PACRG: variants seen among roughly 807,000 people sequenced by gnomAD.
The protein encoded by PACRG is parkin coregulated, also known as parkin coregulated gene protein.
PACRG carries 29 observed loss-of-function variants against 29.7 expected under a neutral mutation model. That is an observed-to-expected ratio of 0.98 (90% CI 0.73 to 1.33). The LOEUF (loss-of-function observed/expected upper bound fraction) is 1.33, where lower values mean the gene tolerates loss of function less well. PACRG is among the 40% of genes most tolerant of loss of function. The pLI is 0.00. For synonymous variants in PACRG, 116 were observed against 118.7 expected (o/e 0.98, Z 0.15); for missense variants, 279 against 316.2 (o/e 0.88, Z 0.89).
At chr6:162,962,000 T>G (rs1800658630) in intron 2 of PACRG, among the ~76,000 whole-genome samples, 1 of 152,066 alleles carries the variant, frequency 6.6e-6, no homozygotes. Flanking sequence ...ATCATTTGCA[T>G]CACTGCTAAA....
intron 2 of PACRG, among the ~76,000 whole-genome samples, chr6:162,922,567 C>T (rs982154471): frequency 1.3e-5 from 2 of 151,910 alleles, no homozygotes; most frequent in Non-Finnish European, 2.9e-5. Context: ...TATTTCCCCC[C>T]ATCCCCACCA....
intron 4 of PACRG, among the ~76,000 whole-genome samples, chr6:163,176,877 G>T (rs779872480): frequency 6.6e-6 from 1 of 152,124 alleles, no homozygotes; most frequent in African/African-American, 2.4e-5. Context: ...AATAATGGAG[G>T]GTGTTAAATG....
chr6:162,889,288 A>G lies in PACRG; in HGVS notation c.291+75007A>G, dbSNP rs542389244. On this transcript the variant is annotated intron_variant, in intron 2 of 4. Transcript: ENST00000366888. ...TACATCACTGATCCATTAAAAAAAAATCTTTCTTTGAATGCCTCTTGCCAC... is the reference window on the plus strand; with the variant it reads ...TACATCACTGATCCATTAAAAAAAAGTCTTTCTTTGAATGCCTCTTGCCAC... Among the ~76,000 whole-genome samples, 31 of 152,304 alleles carry G rather than the reference A, an allele frequency of 2.0e-4. No homozygotes were observed. In the South Asian group the frequency reaches 6.2e-3, roughly 31 times the overall value.
chr6:162,727,718 A>G, upstream of PACRG: 9 of 1,547,736 alleles, frequency 5.8e-6, no homozygotes, highest in East Asian at 7.3e-5. Flanking sequence ...CCATGCGCGC[A>G]GCGGCGCCAG....
chr6:162,831,031 A>T (rs1788725089), intron 2 of PACRG, among the ~76,000 whole-genome samples: 3 of 152,044 alleles, frequency 2.0e-5, no homozygotes, highest in Admixed American at 2.0e-4. Context: ...TGCTATTAAA[A>T]CCCACCTCTT....
At chr6:162,847,271 G>T (rs1259122207) in intron 2 of PACRG, among the ~76,000 whole-genome samples, 1 of 152,132 alleles carries the variant, frequency 6.6e-6, no homozygotes, top group Non-Finnish European at 1.5e-5. Flanking sequence ...CTTCATCAAA[G>T]TCATTTACAC....
At chr6:163,153,830 T>C (rs543315987) in intron 4 of PACRG, among the ~76,000 whole-genome samples, 2 of 152,168 alleles carry the variant, frequency 1.3e-5, no homozygotes, top group Admixed American at 1.3e-4. Flanking sequence ...GTCAATACTA[T>C]CGCTATTGAG....
intron 2 of PACRG, among the ~76,000 whole-genome samples, chr6:162,869,053 G>C (rs529133869): frequency 8.9e-4 from 136 of 152,296 alleles, no homozygotes; most frequent in African/African-American, 3.2e-3. Context: ...TGTGCTGCTG[G>C]TGACGATGGC....
At chr6:162,727,708 C>A (rs561919613), upstream of PACRG, 12 of 1,558,754 alleles carry the variant, frequency 7.7e-6, no homozygotes, top group Middle Eastern at 1.7e-4. Flanking sequence ...AGGAACAGGC[C>A]CATGCGCGCA....
At chr6:162,950,700 G>GA (rs1799583868) in intron 2 of PACRG, among the ~76,000 whole-genome samples, 1 of 151,794 alleles carries the variant, frequency 6.6e-6, no homozygotes. Flanking sequence ...TGAATTAAAG[G>GA]AAAAAATACT....
At chr6:163,004,280 A>G (rs970209605) in intron 2 of PACRG, among the ~76,000 whole-genome samples, 1 of 150,814 alleles carries the variant, frequency 6.6e-6, no homozygotes, top group Non-Finnish European at 1.5e-5. Flanking sequence ...TATATAAAGT[A>G]TATTAGCTAT....
intron 4 of PACRG, among the ~76,000 whole-genome samples, chr6:163,196,877 GTAGA>G (rs762313643): frequency 5.9e-5 from 9 of 151,790 alleles, no homozygotes; most frequent in African/African-American, 9.7e-5. Flanking sequence ...AAATAGACAG[GTAGA>G]TAGATGGATA....
chr6:163,233,563 G>A (rs1782126887), intron 4 of PACRG, among the ~76,000 whole-genome samples: 1 of 152,224 alleles, frequency 6.6e-6, no homozygotes, highest in Non-Finnish European at 1.5e-5. Context: ...AAGAAAATAA[G>A]AGGAAACATT....
chr6:162,903,471 C>G (rs1049333204), intron 2 of PACRG, among the ~76,000 whole-genome samples: 5 of 152,078 alleles, frequency 3.3e-5, no homozygotes, highest in African/African-American at 1.2e-4. Context: ...GGAGGCCTCA[C>G]AATCATGGCA....
intron 4 of PACRG, among the ~76,000 whole-genome samples, chr6:163,141,463 C>T (rs1202320223): frequency 2.1e-5 from 3 of 145,624 alleles, no homozygotes; most frequent in Non-Finnish European, 4.5e-5. Context: ...TTTTTTAAAG[C>T]CAAACTAACA....
chr6:162,931,181 T>C lies in PACRG; in HGVS notation c.291+116900T>C, dbSNP rs533181912. ...AATTTTTGATTGAATTGTTTTCTTA[T>C]TGATTTATGAGAGTTCTTTTTATAT... On this transcript the variant is annotated intron_variant, in intron 2 of 4. Coordinates refer to ENST00000366888, the MANE Select transcript of PACRG (RefSeq NM_001080379.2). Among the ~76,000 whole-genome samples, 10 of 152,002 alleles carry C rather than the reference T, an allele frequency of 6.6e-5. No individual in the cohort carries two copies. The South Asian group carries it at 2.1e-3, about 31-fold the overall frequency.
At position 163,202,770 on chromosome 6, in the gene PACRG, A is replaced by C. The variant is rs1462261147; in HGVS notation, c.614-112057A>C. Among the ~76,000 whole-genome samples the C allele has an allele frequency of 3.3e-5, 5 of 152,218 alleles. No homozygotes were observed. The East Asian group carries it at 9.6e-4, about 29-fold the overall frequency. On this transcript the variant is annotated intron_variant, in intron 4 of 4. Coordinates refer to ENST00000366888, the MANE Select transcript of PACRG (RefSeq NM_001080379.2). ...AAATATGCAATTTTGCCTAAATCTC[A>C]TGAATAACTGATAAAAAGCTAGATT...
At chr6:162,837,208 G>T (rs1789305088) in intron 2 of PACRG, among the ~76,000 whole-genome samples, 1 of 152,106 alleles carries the variant, frequency 6.6e-6, no homozygotes, top group African/African-American at 2.4e-5. Context: ...GATAAAGAAG[G>T]AAATTAGTGT....
intron 1 of PACRG, among the ~76,000 whole-genome samples, chr6:162,735,702 T>C (rs925471598): frequency 3.9e-5 from 6 of 152,214 alleles, no homozygotes; most frequent in African/African-American, 9.6e-5. Flanking sequence ...GTGAGTTTCC[T>C]TTCCATTCTC....
Sources: gnomAD v4.1 joint callset for allele counts (sites outside exome capture counted in the v4.1 genomes callset) on GRCh38, gnomAD v4.1.1 for gene constraint, MANE v1.5 for transcripts, NCBI Gene and HGNC (gene_info 2026-07-23, HGNC 2026-07-21) for gene names.